FHOD3: variants seen among roughly 807,000 people sequenced by gnomAD.
The protein encoded by FHOD3 is formin homology 2 domain containing 3, also known as FH1/FH2 domain-containing protein 3.
Under a neutral mutation model 173.0 loss-of-function variants are expected in FHOD3, and 90 were observed. That is an observed-to-expected ratio of 0.52 (90% CI 0.44 to 0.62). The LOEUF (loss-of-function observed/expected upper bound fraction) is 0.62, where lower values mean the gene tolerates loss of function less well. Among genes scored for constraint, FHOD3 ranks in the 20% least tolerant of loss-of-function variants. FHOD3 has a pLI of 0.00. For synonymous variants in FHOD3, 828 were observed against 823.0 expected (o/e 1.01, Z -0.10); for missense variants, 1,945 against 2,034.7 (o/e 0.96, Z 0.85).
chr18:36,464,705 C>A (rs2052797840), intron 3 of FHOD3, among the ~76,000 whole-genome samples: 1 of 151,834 alleles, frequency 6.6e-6, no homozygotes, highest in Non-Finnish European at 1.5e-5. Flanking sequence ...CAGGCTGGGT[C>A]CTTAGGAGGG....
intron 5 of FHOD3, among the ~76,000 whole-genome samples, chr18:36,540,682 G>A (rs560892499): frequency 1.1e-4 from 17 of 152,252 alleles, no homozygotes; most frequent in African/African-American, 3.9e-4. Flanking sequence ...TGTACAAAGT[G>A]TGAAAAGGAA....
chr18:36,410,778 G>A (rs1488465480), intron 3 of FHOD3, among the ~76,000 whole-genome samples: 1 of 152,120 alleles, frequency 6.6e-6, no homozygotes, highest in Non-Finnish European at 1.5e-5. Context: ...CTTCTCATGT[G>A]CCTATTGGGC....
chr18:36,369,195 A>G (rs890442173), intron 2 of FHOD3, among the ~76,000 whole-genome samples: 2 of 152,176 alleles, frequency 1.3e-5, no homozygotes, highest in African/African-American at 4.8e-5. Context: ...ATTTACTGGA[A>G]AGGCAGGGAT....
chr18:36,740,740 A>C lies in FHOD3; in HGVS notation c.3661A>C (p.Ser1221Arg). ...GGCCAACCCTGAAATCCCCCTGGGC[A>C]GTGCAGAGCAGTTCCTCCTCACCCT... Reference protein sequence around the residue: ...QLANPEIPLGSAEQFLLTLSS... With the variant: ...QLANPEIPLGRAEQFLLTLSS... Residue 1221 changes from serine to arginine, a missense_variant, in exon 21 of 29, where the codon AGT becomes CGT. Around this residue, in one of 5 missense-constraint regions of FHOD3, gnomAD observed 231 missense variants for 321.9 expected, o/e 0.72. Transcript: ENST00000590592. The C allele has an allele frequency of 6.2e-7, 1 of 1,614,086 alleles. No homozygotes were observed. Among genetic ancestry groups the C allele is most frequent in the South Asian group, 1.1e-5 (1 of 91,072 alleles).
At chr18:36,433,029 C>G (rs1392888202) in intron 3 of FHOD3, among the ~76,000 whole-genome samples, 1 of 152,148 alleles carries the variant, frequency 6.6e-6, no homozygotes, top group Non-Finnish European at 1.5e-5. Context: ...CTGCTCTTGC[C>G]CTGGAAGTAC....
At chr18:36,645,029 AG>A (rs1025226832) in intron 10 of FHOD3, among the ~76,000 whole-genome samples, 8 of 152,182 alleles carry the variant, frequency 5.3e-5, no homozygotes. Flanking sequence ...AGCTGAGGGA[AG>A]GTGGCCTCAT....
chr18:36,572,559 A>G (rs1031997405), intron 5 of FHOD3, among the ~76,000 whole-genome samples: 7 of 152,226 alleles, frequency 4.6e-5, no homozygotes, highest in African/African-American at 7.2e-5. Context: ...GGACACTTGA[A>G]TTCCATTAGA....
At chr18:36,568,097 G>A (rs1240488197) in intron 5 of FHOD3, among the ~76,000 whole-genome samples, 1 of 150,712 alleles carries the variant, frequency 6.6e-6, no homozygotes, top group Non-Finnish European at 1.5e-5. Flanking sequence ...GCTGAGGCAG[G>A]TGGATAACTT....
chr18:36,383,398 G>T (rs1220485330), intron 3 of FHOD3, among the ~76,000 whole-genome samples: 3 of 152,154 alleles, frequency 2.0e-5, no homozygotes, highest in African/African-American at 7.2e-5. Context: ...CACCTGCTAT[G>T]AGAAAGGTGC....
At chr18:36,510,057 C>T (rs2055547861) in intron 4 of FHOD3, among the ~76,000 whole-genome samples, 1 of 152,202 alleles carries the variant, frequency 6.6e-6, no homozygotes, top group Non-Finnish European at 1.5e-5. Context: ...GGGTCGGCGT[C>T]TCCATCATCT....
At chr18:36,623,273 CA>C (rs1474011074) in intron 9 of FHOD3, among the ~76,000 whole-genome samples, 3 of 152,202 alleles carry the variant, frequency 2.0e-5, no homozygotes, top group Non-Finnish European at 4.4e-5. Context: ...TGAGGTTAGA[CA>C]AGGAATTAGA....
At chr18:36,604,981 T>A (rs1417958255) in intron 8 of FHOD3, among the ~76,000 whole-genome samples, 1 of 152,238 alleles carries the variant, frequency 6.6e-6, no homozygotes, top group African/African-American at 2.4e-5. Context: ...CCAGGTCACA[T>A]TGGCAATGAT....
chr18:36,681,067 T>C (rs1374796817), intron 14 of FHOD3, among the ~76,000 whole-genome samples: 1 of 152,158 alleles, frequency 6.6e-6, no homozygotes, highest in African/African-American at 2.4e-5. Flanking sequence ...AGTTTTAGAT[T>C]GAAAGCTGAT....
chr18:36,310,151 G>C (rs1008850491), intron 1 of FHOD3, among the ~76,000 whole-genome samples: 1 of 152,212 alleles, frequency 6.6e-6, no homozygotes, highest in Non-Finnish European at 1.5e-5. Context: ...AAGCTGAGTT[G>C]ACATGACATT....
chr18:36,606,542 A>G (rs1367570232), intron 8 of FHOD3, among the ~76,000 whole-genome samples: 2 of 152,158 alleles, frequency 1.3e-5, no homozygotes, highest in African/African-American at 2.4e-5. Flanking sequence ...AAACCATAGC[A>G]TTCTGCCCCC....
chr18:36,755,860 G>A (rs1240866036), intron 25 of FHOD3, among the ~76,000 whole-genome samples: 2 of 151,650 alleles, frequency 1.3e-5, no homozygotes, highest in East Asian at 3.9e-4. Flanking sequence ...GGACATCAGG[G>A]TGGAAAGAGT....
intron 3 of FHOD3, among the ~76,000 whole-genome samples, chr18:36,449,416 C>T (rs537095677): frequency 7.9e-5 from 12 of 152,104 alleles, no homozygotes; most frequent in South Asian, 2.1e-4. Context: ...CCTTGTCATC[C>T]GTATGTTATT....
At chr18:36,318,204 C>A (rs1211119936) in intron 1 of FHOD3, among the ~76,000 whole-genome samples, 1 of 151,748 alleles carries the variant, frequency 6.6e-6, no homozygotes, top group Non-Finnish European at 1.5e-5. Flanking sequence ...CTTGGCTAGG[C>A]AGGCTCTTTT....
intron 3 of FHOD3, among the ~76,000 whole-genome samples, chr18:36,454,239 C>A (rs961028236): frequency 4.0e-5 from 6 of 151,864 alleles, no homozygotes; most frequent in Non-Finnish European, 8.8e-5. Context: ...CAGGAGGGCA[C>A]ACACATGGGA....
Sources: gnomAD v4.1 joint callset for allele counts (sites outside exome capture counted in the v4.1 genomes callset) on GRCh38, gnomAD v4.1.1 for gene constraint, gnomAD v4.1.1 regional missense constraint, MANE v1.5 for transcripts, NCBI Gene and HGNC (gene_info 2026-07-23, HGNC 2026-07-21) for gene names.